KAT6A: variants seen among roughly 807,000 people sequenced by gnomAD.
KAT6A encodes histone acetyltransferase KAT6A.
A neutral mutation model predicts 198.4 loss-of-function variants in KAT6A; 9 were observed. The observed-to-expected ratio is 0.05, with a 90% CI of 0.03 to 0.08. The LOEUF (loss-of-function observed/expected upper bound fraction) is 0.08, where lower values mean the gene tolerates loss of function less well. Ranked by LOEUF, KAT6A falls within the 10% of genes least tolerant of loss-of-function variation. KAT6A has a pLI of 1.00. For missense variants in KAT6A, 2,077 were observed against 2,509.9 expected (o/e 0.83, Z 3.69); for synonymous variants, 890 against 883.0 (o/e 1.01, Z -0.14).
chr8:41,931,336 ATTG>A lies in KAT6A; in HGVS notation c.*866_*868del, dbSNP rs1158309891. 9.2e-6 allele frequency: 2 copies of A among 217,868 alleles called. No individual in the cohort carries two copies. Among genetic ancestry groups the A allele is most frequent in the Non-Finnish European group, 1.8e-5 (2 of 108,256 alleles). 13.5% of individuals were successfully genotyped at this position (217,868 alleles called of 1,614,324 possible). ...ACAAGAGGTTAATCTCCTCTTTTTG[ATTG>A]TTAATTGACCATCTCTATTCCTCCA... On this transcript the variant is annotated 3_prime_UTR_variant, in exon 17 of 17. Coordinates refer to ENST00000265713, the MANE Select transcript of KAT6A (RefSeq NM_006766.5).
intron 2 of KAT6A, among the ~76,000 whole-genome samples, chr8:42,020,426 G>A (rs938321949): frequency 6.6e-6 from 1 of 152,124 alleles, no homozygotes; most frequent in Admixed American, 6.6e-5. Context: ...CTGTCAAAAA[G>A]CAATTTTTGT....
intron 2 of KAT6A, among the ~76,000 whole-genome samples, chr8:42,042,475 G>GT (rs1265206901): frequency 6.6e-6 from 1 of 151,086 alleles, no homozygotes; most frequent in East Asian, 1.9e-4. Flanking sequence ...ATTTTAATCA[G>GT]TATCTCTACA....
intron 2 of KAT6A, among the ~76,000 whole-genome samples, chr8:42,031,197 T>C (rs570032880): frequency 2.6e-5 from 4 of 152,326 alleles, no homozygotes; most frequent in Non-Finnish European, 5.9e-5. Context: ...TTTCACAGAA[T>C]TCTCGTTTTT....
chr8:41,953,757 TC>T (rs1339958905), intron 9 of KAT6A, among the ~76,000 whole-genome samples: 11 of 152,056 alleles, frequency 7.2e-5, no homozygotes, highest in African/African-American at 2.4e-4. Context: ...TACAGGCGTG[TC>T]CTTGGCGTAT....
intron 2 of KAT6A, among the ~76,000 whole-genome samples, chr8:42,012,552 G>A (rs1826073954): frequency 6.6e-6 from 1 of 152,182 alleles, no homozygotes; most frequent in Admixed American, 6.5e-5. Context: ...GCCAAGAAAT[G>A]CCAAGAGCCA....
chr8:42,015,066 A>G (rs1270552953), intron 2 of KAT6A, among the ~76,000 whole-genome samples: 1 of 152,210 alleles, frequency 6.6e-6, no homozygotes, highest in Non-Finnish European at 1.5e-5. Context: ...ATGAAGGGAG[A>G]TAGTAAGGCA....
chr8:41,967,014 T>C (rs1344138458), intron 8 of KAT6A, among the ~76,000 whole-genome samples: 1 of 152,180 alleles, frequency 6.6e-6, no homozygotes, highest in Non-Finnish European at 1.5e-5. Flanking sequence ...ACTAGCTTAC[T>C]GTATTTTTAA....
intron 2 of KAT6A, among the ~76,000 whole-genome samples, chr8:42,022,582 TAC>T (rs1826601354): frequency 6.6e-6 from 1 of 152,184 alleles, no homozygotes; most frequent in South Asian, 2.1e-4. Context: ...TAAAAAAATT[TAC>T]AGTGTGTTGC....
intron 16 of KAT6A, 38 bp downstream of exon 16, chr8:41,937,218 G>A: frequency 6.6e-7 from 1 of 1,521,394 alleles, no homozygotes; most frequent in Non-Finnish European, 9.0e-7. Flanking sequence ...TATATCTGAA[G>A]ACAATAAACC....
chr8:42,027,460 T>C (rs191860704), intron 2 of KAT6A, among the ~76,000 whole-genome samples: 1 of 152,318 alleles, frequency 6.6e-6, no homozygotes, highest in East Asian at 1.9e-4. Context: ...TTTTTATTTC[T>C]GATTCAATTG....
intron 2 of KAT6A, among the ~76,000 whole-genome samples, chr8:42,022,122 C>T (rs541981508): frequency 6.6e-6 from 1 of 152,258 alleles, no homozygotes; most frequent in African/African-American, 2.4e-5. Flanking sequence ...TAAAGAGTTG[C>T]TGTGATCTAA....
At position 41,932,498 on chromosome 8, in the gene KAT6A, C is replaced by A; in HGVS notation, c.5722G>T (p.Ala1908Ser). The A allele has an allele frequency of 6.2e-7, 1 of 1,614,192 alleles. No homozygotes were observed. Among genetic ancestry groups the A allele is most frequent in the Non-Finnish European group, 8.5e-7 (1 of 1,180,032 alleles). The change falls in exon 17 of 17, where the codon GCC (alanine) becomes TCC (serine). Residue 1908 changes from alanine to serine, a missense_variant. Ala to Ser is a moderately conservative substitution (Grantham distance 99). Coordinates refer to ENST00000265713, the MANE Select transcript of KAT6A (RefSeq NM_006766.5). ...NMGVNLMPTP[A>S]YNVNSMNMNT... ...ATATTCATGGAATTGACATTATAGG[C>A]GGGAGTAGGCATCAGATTAACCCCC...
intron 2 of KAT6A, among the ~76,000 whole-genome samples, chr8:42,033,789 T>C (rs1310294699): frequency 1.3e-5 from 2 of 152,076 alleles, no homozygotes; most frequent in Non-Finnish European, 1.5e-5. Context: ...AGATGCTTAA[T>C]ACATATGAAA....
intron 15 of KAT6A, among the ~76,000 whole-genome samples, chr8:41,938,954 GAAAAAAAAAAAAAA>G (rs894664976): frequency 1.3e-5 from 1 of 75,748 alleles, no homozygotes; most frequent in Non-Finnish European, 2.6e-5. Flanking sequence ...TCTGGGGAAG[GAAAAAAAAAAAAAA>G]AAAAAAAAAG....
At position 41,933,638 on chromosome 8, in the gene KAT6A, C is replaced by G; in HGVS notation, c.4582G>C (p.Glu1528Gln). ...SLSAPSMQNMETSPMMDVPSV... is the reference protein window; with the variant it reads ...SLSAPSMQNMQTSPMMDVPSV... The stretch of plus-strand genomic sequence containing the variant: ...GGCACATCCATCATGGGGCTGGTCT[C>G]CATGTTCTGCATAGAGGGTGCGGAC... Residue 1528 changes from glutamate (E) to glutamine (Q), a missense_variant, in exon 17 of 17, where the codon GAG becomes CAG. Around this residue, in one of 13 missense-constraint regions of KAT6A, gnomAD observed 178 missense variants for 220.8 expected, o/e 0.81. Transcript: ENST00000265713. This position sits in a 1 kb window ranked among gnomAD's most constrained non-coding sequence, Gnocchi z 6.2. The G allele has an allele frequency of 6.2e-7, 1 of 1,614,152 alleles. No homozygotes were observed. Among genetic ancestry groups the G allele is most frequent in the South Asian group, 1.1e-5 (1 of 91,086 alleles).
At chr8:42,027,578 C>T (rs1001876368) in intron 2 of KAT6A, among the ~76,000 whole-genome samples, 11 of 152,096 alleles carry the variant, frequency 7.2e-5, no homozygotes, top group African/African-American at 2.7e-4. Context: ...AATTTGTTAG[C>T]ATACAGTTGT....
At chr8:42,037,882 T>C (rs942045002) in intron 2 of KAT6A, among the ~76,000 whole-genome samples, 1 of 152,128 alleles carries the variant, frequency 6.6e-6, no homozygotes, top group Non-Finnish European at 1.5e-5. Flanking sequence ...AGAGATGAAG[T>C]GTTAGTCATA....
At chr8:42,049,782 A>C (rs1802506730) in intron 1 of KAT6A, 1 of 152,268 alleles carries the variant, frequency 6.6e-6, no homozygotes, top group Non-Finnish European at 1.5e-5. Context: ...ACAGTCAATA[A>C]GGCAGAAAAC....
chr8:41,993,811 A>C (rs549159196), intron 2 of KAT6A, among the ~76,000 whole-genome samples: 31 of 152,320 alleles, frequency 2.0e-4, no homozygotes, highest in African/African-American at 6.7e-4. Flanking sequence ...ATGCCAAACT[A>C]TATTGTTAAA....
Sources: allele counts gnomAD v4.1 joint callset (sites outside exome capture counted in the v4.1 genomes callset), GRCh38; gene constraint gnomAD v4.1.1; regional missense constraint gnomAD v4.1.1; non-coding constraint Gnocchi (gnomAD v3.1); transcripts MANE v1.5; gene names NCBI Gene and HGNC (gene_info 2026-07-23, HGNC 2026-07-21).